DCDC2: variants seen among roughly 807,000 people sequenced by gnomAD.
DCDC2 encodes doublecortin domain containing 2, also known as doublecortin domain-containing protein 2.
In DCDC2, 40 loss-of-function variants were observed where a neutral mutation model predicts 50.2. The observed-to-expected ratio is 0.80, with a 90% CI of 0.62 to 1.04. DCDC2 has a LOEUF of 1.04. DCDC2 is among the 50% of genes least tolerant of loss of function. DCDC2 has a pLI of 0.00. For synonymous variants in DCDC2, 234 were observed against 210.6 expected (o/e 1.11, Z -0.96); for missense variants, 570 against 581.9 (o/e 0.98, Z 0.21).
chr6:24,237,225 G>A (rs1377967841), intron 7 of DCDC2, among the ~76,000 whole-genome samples: 1 of 151,874 alleles, frequency 6.6e-6, no homozygotes, highest in African/African-American at 2.4e-5. Flanking sequence ...AGCAGAGGGT[G>A]GAAGGAGGGA....
At chr6:24,204,942 A>C (rs891935536) in intron 8 of DCDC2, 60 bp downstream of exon 8, 42 of 1,512,868 alleles carry the variant, frequency 2.8e-5, no homozygotes, top group Non-Finnish European at 3.5e-5. Flanking sequence ...AGATAACACA[A>C]AACTTGGAAA....
chr6:24,280,426 TA>T (rs1408920618), intron 6 of DCDC2, among the ~76,000 whole-genome samples: 4 of 151,486 alleles, frequency 2.6e-5, no homozygotes, highest in African/African-American at 9.7e-5. Context: ...AGCTCTGCCA[TA>T]AACTGTCTGG....
chr6:24,317,026 T>C (rs1759682405), intron 2 of DCDC2, among the ~76,000 whole-genome samples: 1 of 151,738 alleles, frequency 6.6e-6, no homozygotes. Context: ...TTTGACTTCG[T>C]AAAAACAAAA....
intron 2 of DCDC2, among the ~76,000 whole-genome samples, chr6:24,342,213 T>C (rs947143483): frequency 3.3e-5 from 5 of 152,250 alleles, no homozygotes; most frequent in Non-Finnish European, 7.3e-5. Flanking sequence ...CAGGGTGCTA[T>C]GCTACCTTCA....
upstream of DCDC2, among the ~76,000 whole-genome samples, chr6:24,362,248 ATATT>A (rs1760676900): frequency 6.7e-6 from 1 of 148,590 alleles, no homozygotes; most frequent in Admixed American, 6.7e-5. Context: ...ATTTAATTGT[ATATT>A]TATACAATTA....
intron 6 of DCDC2, among the ~76,000 whole-genome samples, chr6:24,283,021 C>T (rs919061107): frequency 1.3e-5 from 2 of 152,150 alleles, no homozygotes; most frequent in East Asian, 3.8e-4. Context: ...ATCCTGTAAA[C>T]TACTGACCAT....
intron 2 of DCDC2, among the ~76,000 whole-genome samples, chr6:24,324,363 T>C (rs544487603): frequency 2.2e-4 from 33 of 152,300 alleles, no homozygotes; most frequent in Admixed American, 1.2e-3. Flanking sequence ...GGAAAATGAA[T>C]GACAGTGAAA....
At chr6:24,289,705 C>A (rs1763697428) in intron 5 of DCDC2, among the ~76,000 whole-genome samples, 1 of 152,178 alleles carries the variant, frequency 6.6e-6, no homozygotes, top group Non-Finnish European at 1.5e-5. Flanking sequence ...TGTGCTCTTG[C>A]ATAGTTCAAA....
chr6:24,375,008 T>A, the DCDC2 span, among the ~76,000 whole-genome samples: 1 of 152,186 alleles, frequency 6.6e-6, no homozygotes, highest in Non-Finnish European at 1.5e-5. Context: ...TCCTTAGCTG[T>A]CTTGGGAATC....
chr6:24,254,771 A>C (rs1285690127), intron 7 of DCDC2, among the ~76,000 whole-genome samples: 6 of 152,128 alleles, frequency 3.9e-5, no homozygotes, highest in Admixed American at 2.6e-4. Flanking sequence ...TATCACAGCC[A>C]ATTTATTCCA....
At chr6:24,220,927 A>AGAGTGAGCGAGCGAGC (rs1561895676) in intron 7 of DCDC2, among the ~76,000 whole-genome samples, 4 of 51,778 alleles carry the variant, frequency 7.7e-5, no homozygotes, top group South Asian at 5.5e-4. Context: ...AGCGAGCGAG[A>AGAGTGAGCGAGCGAGC]GCACATGCAG....
At chr6:24,246,890 T>C (rs1301713624) in intron 7 of DCDC2, among the ~76,000 whole-genome samples, 2 of 152,230 alleles carry the variant, frequency 1.3e-5, no homozygotes, top group East Asian at 1.9e-4. Context: ...CCTCTTGTTT[T>C]GCTTCATGAA....
intron 2 of DCDC2, among the ~76,000 whole-genome samples, chr6:24,318,763 T>G (rs529833961): frequency 8.1e-6 from 1 of 123,558 alleles, no homozygotes; most frequent in East Asian, 2.3e-4. Flanking sequence ...TGAATAATAT[T>G]CCGTTTTATA....
intron 8 of DCDC2, among the ~76,000 whole-genome samples, chr6:24,189,750 G>A (rs1262865450): frequency 6.6e-6 from 1 of 152,022 alleles, no homozygotes; most frequent in Non-Finnish European, 1.5e-5. Flanking sequence ...CCTAGAAACT[G>A]GAGATCAATA....
intron 7 of DCDC2, among the ~76,000 whole-genome samples, chr6:24,214,921 T>C (rs1424860772): frequency 6.6e-6 from 1 of 151,986 alleles, no homozygotes. Context: ...ACTACTTCCT[T>C]ATTATGCAAT....
chr6:24,341,128 A>G (rs191546681), intron 2 of DCDC2, among the ~76,000 whole-genome samples: 3 of 152,360 alleles, frequency 2.0e-5, no homozygotes, highest in Non-Finnish European at 4.4e-5. Flanking sequence ...TGAAACACAA[A>G]CATACTCACT....
intron 7 of DCDC2, among the ~76,000 whole-genome samples, chr6:24,259,203 G>A (rs960826114): frequency 3.9e-5 from 6 of 152,112 alleles, no homozygotes; most frequent in South Asian, 2.1e-4. Flanking sequence ...TAGGATGTAC[G>A]TGACAAATCA....
At chr6:24,240,649 G>A (rs1762546014) in intron 7 of DCDC2, among the ~76,000 whole-genome samples, 1 of 152,080 alleles carries the variant, frequency 6.6e-6, no homozygotes. Flanking sequence ...AATACAAAAG[G>A]GCTAATCAGT....
At chr6:24,224,473 C>A (rs1356113183) in intron 7 of DCDC2, among the ~76,000 whole-genome samples, 3 of 152,188 alleles carry the variant, frequency 2.0e-5, no homozygotes, top group Non-Finnish European at 4.4e-5. Flanking sequence ...ATATGATCTG[C>A]TCAGTGCTCT....
Sources: gnomAD v4.1 joint callset for allele counts (sites outside exome capture counted in the v4.1 genomes callset) on GRCh38, gnomAD v4.1.1 for gene constraint, MANE v1.5 for transcripts, NCBI Gene and HGNC (gene_info 2026-07-23, HGNC 2026-07-21) for gene names.